The following SLA variants were observed in gnomAD, a reference collection of about 807,000 sequenced individuals.
SLA encodes the protein Src like adaptor.
Under a neutral mutation model 30.3 loss-of-function variants are expected in SLA, and 16 were observed. The ratio of observed to expected loss-of-function variants is 0.53; its 90% CI spans 0.36 to 0.80. The LOEUF (loss-of-function observed/expected upper bound fraction) is 0.80, where lower values mean the gene tolerates loss of function less well. SLA is among the 30% of genes least tolerant of loss of function. The pLI is 0.01. For missense variants in SLA, 310 were observed against 345.2 expected, an observed-to-expected ratio of 0.90 and a Z score of 0.81; for synonymous variants, 143 against 137.8, an observed-to-expected ratio of 1.04 and a Z score of -0.26.
Position 133,057,247 on chromosome 8 carries a change from A to G in SLA, c.61+2853T>C, listed in dbSNP as rs144576895. 1.2e-3 allele frequency among the ~76,000 whole-genome samples: 178 copies of G among 152,302 alleles called. 7 individuals carry two copies. The East Asian group carries it at 0.029, about 25-fold the overall frequency. ...AGGGGAAAAAGATCACAGCAGAGAG[A>G]CAGAGTGCTCATTTTAAGGTGGAAA... On this transcript the variant is annotated intron_variant, in intron 3 of 8. Transcript: ENST00000338087.
At chr8:133,058,633 C>T (rs1841891798) in intron 3 of SLA, among the ~76,000 whole-genome samples, 1 of 152,142 alleles carries the variant, frequency 6.6e-6, no homozygotes, top group Non-Finnish European at 1.5e-5. Flanking sequence ...GAGGAGGAGG[C>T]TGTGGCCAAA....
chr8:133,052,906 T>C (rs1482953006), intron 3 of SLA, among the ~76,000 whole-genome samples: 1 of 152,234 alleles, frequency 6.6e-6, no homozygotes, highest in Non-Finnish European at 1.5e-5. Flanking sequence ...CTGGGTTTCC[T>C]AGTCTGGAAA....
At position 133,060,081 on chromosome 8, in the gene SLA, C is replaced by G; in HGVS notation, c.61+19G>C. On this transcript the variant is annotated intron_variant, in intron 3 of 8. Transcript: ENST00000338087. ...TTGTAGCACAGACTCAAGCATCTCACCAGAGAAGCCAGACTTACCCTCCGG... is the reference window on the plus strand; with the variant it reads ...TTGTAGCACAGACTCAAGCATCTCAGCAGAGAAGCCAGACTTACCCTCCGG... The G allele has an allele frequency of 6.3e-7, 1 of 1,575,018 alleles. No homozygotes were observed. Among genetic ancestry groups the G allele is most frequent in the Non-Finnish European group, 8.6e-7 (1 of 1,166,174 alleles).
At chr8:133,080,642 G>A (rs1033438688) in intron 1 of SLA, among the ~76,000 whole-genome samples, 2 of 152,060 alleles carry the variant, frequency 1.3e-5, no homozygotes, top group African/African-American at 4.8e-5. Flanking sequence ...GGCATTCAAA[G>A]CTCATCAATC....
At chr8:133,095,083 G>A in intron 1 of SLA, 2 of 1,614,186 alleles carry the variant, frequency 1.2e-6, no homozygotes, top group Non-Finnish European at 1.7e-6. Flanking sequence ...CATCAGCCAT[G>A]AGAGGGCTCA....
chr8:133,095,227 G>A, intron 1 of SLA: 1 of 1,614,210 alleles, frequency 6.2e-7, no homozygotes, highest in Non-Finnish European at 8.5e-7. Flanking sequence ...TTAAGTGCAA[G>A]TTGGGAAGGG....
rs139181984 is a variant in SLA at position 133,092,884 on chromosome 8, G to A, written c.-319+9669C>T. On this transcript the variant is annotated intron_variant, in intron 1 of 8. Coordinates refer to ENST00000338087, the MANE Select transcript of SLA (RefSeq NM_001045556.3). ...GATCAATTTAAACAAAATACTTTAA[G>A]AGAAAGAAACATTCTCTTAGCCATC... is the stretch of plus-strand genomic sequence containing the variant. Among the ~76,000 whole-genome samples the A allele has an allele frequency of 1.2e-3, 177 of 152,324 alleles. 1 individual carries two copies. Among genetic ancestry groups the A allele is most frequent in the Non-Finnish European group, 9.4e-4 (64 of 68,028 alleles).
In SLA at chr8:133,084,756, C is replaced by G. The variant is rs190458607; in HGVS notation, c.-318-9626G>C. Among the ~76,000 whole-genome samples the G allele has an allele frequency of 5.6e-4, 85 of 152,368 alleles. 2 individuals are homozygous for G. The highest frequency in any genetic ancestry group is 1.9e-3 in the African/African-American group (80 of 41,586). On this transcript the variant is annotated intron_variant, in intron 1 of 8. Transcript: ENST00000338087. ...GGAGAGACCCCTTAGAGCGCTCCCC[C>G]ACAGGGGCCTGGGAAGGCCTCCACA...
At chr8:133,070,751 G>T (rs534451046) in intron 2 of SLA, among the ~76,000 whole-genome samples, 1 of 152,178 alleles carries the variant, frequency 6.6e-6, no homozygotes, top group African/African-American at 2.4e-5. Context: ...GGGTCTGCTG[G>T]CAAGACCAGA....
In SLA at chr8:133,086,551, GA is replaced by G. The variant is rs200231373; in HGVS notation, c.-318-11422del. ...AATACATTTTTATTATCTTTTTGAT[GA>G]AAAAAAACTATACCTTTTGACTCAG... On this transcript the variant is annotated intron_variant, in intron 1 of 8. Transcript: ENST00000338087. Among the ~76,000 whole-genome samples, 142 of 151,624 alleles carry G rather than the reference GA, an allele frequency of 9.4e-4. 2 individuals are homozygous for G. The East Asian group carries it at 0.015, about 16-fold the overall frequency.
chr8:133,060,362 T>G, intron 2 of SLA, 162 bp from the exon 3 acceptor site: 3 of 1,538,704 alleles, frequency 1.9e-6, no homozygotes, highest in Non-Finnish European at 2.6e-6. Flanking sequence ...ATTGGTTACT[T>G]TTGCGCAGCT....
At chr8:133,097,957 T>C (rs539322162) in intron 1 of SLA, among the ~76,000 whole-genome samples, 3 of 152,286 alleles carry the variant, frequency 2.0e-5, no homozygotes, top group Non-Finnish European at 4.4e-5. Flanking sequence ...TGAGTGAGTG[T>C]GTGTGTGTTG....
chr8:133,093,870 T>A (rs1323150871), intron 1 of SLA, among the ~76,000 whole-genome samples: 1 of 152,192 alleles, frequency 6.6e-6, no homozygotes, highest in African/African-American at 2.4e-5. Flanking sequence ...GCAACCGACT[T>A]ATACAATTGC....
At chr8:133,100,547 A>G (rs1248653022) in intron 1 of SLA, among the ~76,000 whole-genome samples, 5 of 152,248 alleles carry the variant, frequency 3.3e-5, no homozygotes, top group African/African-American at 1.2e-4. Flanking sequence ...GAAGTCTTCA[A>G]TGAAATAATT....
chr8:133,085,013 C>T (rs1357340978), intron 1 of SLA, among the ~76,000 whole-genome samples: 1 of 152,236 alleles, frequency 6.6e-6, no homozygotes, highest in East Asian at 1.9e-4. Flanking sequence ...AAAAGAGGCA[C>T]AGTCGTGTCT....
intron 2 of SLA, among the ~76,000 whole-genome samples, chr8:133,066,652 G>T (rs1843079679): frequency 2.0e-5 from 3 of 152,198 alleles, no homozygotes; most frequent in Admixed American, 2.0e-4. Context: ...TTCAAAGCAG[G>T]CAGGCCTGAG....
Position 133,038,221 on chromosome 8 carries a change from T to C in SLA, c.*303A>G, listed in dbSNP as rs956671857. ...GTCCTGGTGCCCTTTCTTGTGAGAG[T>C]GGCTTTGTCCTTCCCACACACACAA... On this transcript the variant is annotated 3_prime_UTR_variant, in exon 9 of 9. Coordinates refer to ENST00000338087, the MANE Select transcript of SLA (RefSeq NM_001045556.3). The C allele has an allele frequency of 7.8e-6, 3 of 383,890 alleles. No homozygotes were observed. Among genetic ancestry groups the C allele is most frequent in the South Asian group, 7.7e-5 (3 of 38,996 alleles). 23.8% of individuals were successfully genotyped at this position (383,890 alleles called of 1,614,324 possible). A position where few individuals can be genotyped will look rare whatever the true frequency, so the allele number is the denominator to read the frequency against.
chr8:133,047,972 G>T, intron 5 of SLA, 39 bp from the exon 6 acceptor site: 1 of 1,317,692 alleles, frequency 7.6e-7, no homozygotes, highest in Non-Finnish European at 1.1e-6. Flanking sequence ...TCCGGAACAA[G>T]CCCTCCCCCA....
chr8:133,038,857 T>TA, intron 8 of SLA, 120 bp from the exon 9 acceptor site: 1 of 626,618 alleles, frequency 1.6e-6, no homozygotes, highest in Non-Finnish European at 2.8e-6. Context: ...TCCTGGTGAC[T>TA]ATTTCTCTAA....
Sources: gnomAD v4.1 joint callset for allele counts (sites outside exome capture counted in the v4.1 genomes callset) on GRCh38, gnomAD v4.1.1 for gene constraint, MANE v1.5 for transcripts, NCBI Gene and HGNC (gene_info 2026-07-23, HGNC 2026-07-21) for gene names.